PACRG: variants seen among roughly 807,000 people sequenced by gnomAD.
PACRG encodes parkin coregulated.
PACRG carries 29 observed loss-of-function variants against 29.7 expected under a neutral mutation model. That is an observed-to-expected ratio of 0.98 (90% confidence interval 0.73 to 1.33). The LOEUF is 1.33. PACRG is among the 40% of genes most tolerant of loss of function. The pLI, the probability that PACRG is intolerant of heterozygous loss-of-function variation, is 0.00. For synonymous variants in PACRG, 116 were observed against 118.7 expected (o/e 0.98, Z 0.15); for missense variants, 279 against 316.2 (o/e 0.88, Z 0.89).
chr6:163,203,091 T>A (rs770033216), intron 4 of PACRG, among the ~76,000 whole-genome samples: 10 of 152,172 alleles, frequency 6.6e-5, no homozygotes, highest in South Asian at 2.1e-4. Flanking sequence ...GACCCACAAT[T>A]ATCCTCACTC....
chr6:162,908,033 T>C (rs1345952079), intron 2 of PACRG, among the ~76,000 whole-genome samples: 2 of 152,228 alleles, frequency 1.3e-5, no homozygotes, highest in Admixed American at 6.5e-5. Flanking sequence ...TTGAGAGTTA[T>C]ACATACGCCT....
intron 4 of PACRG, among the ~76,000 whole-genome samples, chr6:163,284,735 G>C (rs1260246847): frequency 1.3e-5 from 2 of 151,992 alleles, no homozygotes; most frequent in Non-Finnish European, 2.9e-5. Context: ...GCCTCTCAGG[G>C]ACTCGGCCTT....
At chr6:163,004,636 A>G (rs1343800476) in intron 2 of PACRG, among the ~76,000 whole-genome samples, 4 of 151,620 alleles carry the variant, frequency 2.6e-5, no homozygotes, top group Non-Finnish European at 5.9e-5. Flanking sequence ...TATGAGCATT[A>G]CAATTCAAGA....
intron 4 of PACRG, among the ~76,000 whole-genome samples, chr6:163,199,739 C>T (rs1187672681): frequency 2.0e-5 from 3 of 152,182 alleles, no homozygotes; most frequent in Admixed American, 2.0e-4. Context: ...CCTTTGAACT[C>T]CTCGCAGAAC....
At chr6:162,757,423 G>C (rs1293357558) in intron 1 of PACRG, among the ~76,000 whole-genome samples, 1 of 152,178 alleles carries the variant, frequency 6.6e-6, no homozygotes, top group African/African-American at 2.4e-5. Context: ...GGCTGACATG[G>C]GTGGATCACC....
At chr6:163,164,804 G>A (rs756826830) in intron 4 of PACRG, among the ~76,000 whole-genome samples, 1 of 152,302 alleles carries the variant, frequency 6.6e-6, no homozygotes, top group East Asian at 1.9e-4. Flanking sequence ...AGTTAGTAGC[G>A]TTAGCTGAGT....
chr6:162,931,754 A>T (rs574703246), intron 2 of PACRG, among the ~76,000 whole-genome samples: 1 of 152,042 alleles, frequency 6.6e-6, no homozygotes, highest in Non-Finnish European at 1.5e-5. Flanking sequence ...AAGACTTATT[A>T]TGTCATGTGT....
chr6:163,264,358 G>A (rs145097502), intron 4 of PACRG, among the ~76,000 whole-genome samples: 111 of 152,242 alleles, frequency 7.3e-4, no homozygotes, highest in Non-Finnish European at 1.3e-3. Context: ...GAGCTCCATC[G>A]TCCCTCAGAG....
chr6:162,881,833 T>TGGGGCA (rs1252517128), intron 2 of PACRG, among the ~76,000 whole-genome samples: 2 of 131,334 alleles, frequency 1.5e-5, no homozygotes, highest in Non-Finnish European at 3.2e-5. Flanking sequence ...GACCAGAGAC[T>TGGGGCA]GGGGCAGGGT....
intron 1 of PACRG, among the ~76,000 whole-genome samples, chr6:162,744,015 C>G (rs1381741558): frequency 6.6e-6 from 1 of 152,018 alleles, no homozygotes; most frequent in Non-Finnish European, 1.5e-5. Context: ...TTGCTTCCCT[C>G]TTTTATATGG....
At chr6:163,270,577 T>C (rs1319776639) in intron 4 of PACRG, among the ~76,000 whole-genome samples, 2 of 152,088 alleles carry the variant, frequency 1.3e-5, no homozygotes, top group African/African-American at 4.8e-5. Context: ...TCTCACCATA[T>C]TGCCCAGGCT....
intron 1 of PACRG, among the ~76,000 whole-genome samples, chr6:162,793,258 TA>T: frequency 6.6e-6 from 1 of 152,314 alleles, no homozygotes; most frequent in Admixed American, 6.5e-5. Flanking sequence ...CTCATAAACA[TA>T]AGTATAGTTT....
chr6:163,211,047 T>C (rs897916216), intron 4 of PACRG, among the ~76,000 whole-genome samples: 2 of 152,212 alleles, frequency 1.3e-5, no homozygotes, highest in Admixed American at 6.5e-5. Context: ...ACTAAATTTT[T>C]TCTCCTAGGC....
chr6:163,089,196 A>T, intron 3 of PACRG, 63 bp from the exon 4 acceptor site: 3 of 1,531,990 alleles, frequency 2.0e-6, no homozygotes, highest in Non-Finnish European at 2.7e-6. Context: ...CTTTACCTTA[A>T]CCTTGTAGAC....
chr6:163,005,893 G>T, intron 2 of PACRG, among the ~76,000 whole-genome samples: 1 of 145,826 alleles, frequency 6.9e-6, no homozygotes, highest in African/African-American at 2.5e-5. Flanking sequence ...TATATACAAC[G>T]TAGTTATACG....
intron 3 of PACRG, among the ~76,000 whole-genome samples, chr6:163,065,576 A>G (rs558303700): frequency 6.6e-6 from 1 of 152,312 alleles, no homozygotes; most frequent in Admixed American, 6.5e-5. Context: ...GGGCCATGGG[A>G]AAAATCTCTA....
At chr6:163,117,649 G>T (rs1424369404) in intron 4 of PACRG, among the ~76,000 whole-genome samples, 2 of 151,944 alleles carry the variant, frequency 1.3e-5, no homozygotes, top group Non-Finnish European at 2.9e-5. Context: ...TACTCAGGAG[G>T]CTGTGGCAGG....
rs376828813 is a variant in PACRG at position 162,814,207 on chromosome 6, C to T, written c.217C>T (p.Arg73Ter). 9 of 1,613,740 alleles carry T rather than the reference C, an allele frequency of 5.6e-6. No individual in the cohort carries two copies. Among genetic ancestry groups the T allele is most frequent in the Non-Finnish European group, 7.6e-6 (9 of 1,179,854 alleles). The change falls in exon 2 of 5, where the codon CGA becomes TGA. Residue 73 changes from arginine to a stop codon, truncating the protein, a stop_gained. Transcript: ENST00000366888. LOFTEE classifies it high-confidence loss of function. ...KERPTKPTAFRKFYERGDFPI... is the reference protein window; with the variant it reads ...KERPTKPTAF The stretch of plus-strand genomic sequence containing the variant: ...AAGACCAACCAAGCCCACAGCATTT[C>T]GAAAATTCTATGAGCGAGGTGACTT...
intron 3 of PACRG, among the ~76,000 whole-genome samples, chr6:163,070,621 C>T (rs926433119): frequency 2.0e-5 from 3 of 151,516 alleles, no homozygotes. Flanking sequence ...AAGAGGAAGA[C>T]AGGAAGGAAG....
Sources: allele counts gnomAD v4.1 joint callset (sites outside exome capture counted in the v4.1 genomes callset), GRCh38; gene constraint gnomAD v4.1.1; transcripts MANE v1.5; gene names NCBI Gene and HGNC (gene_info 2026-07-23, HGNC 2026-07-21).